Variants in MCTP1 observed in about 807,000 individuals in gnomAD.
The protein encoded by MCTP1 is multiple C2 and transmembrane domain containing 1.
MCTP1 carries 69 observed loss-of-function variants against 120.6 expected under a neutral mutation model. The observed-to-expected ratio is 0.57, with a 90% CI of 0.47 to 0.70. MCTP1 has a LOEUF of 0.70. MCTP1 is among the 30% of genes least tolerant of loss of function. The pLI is 0.00. For synonymous variants in MCTP1, 529 were observed against 493.1 expected (o/e 1.07, Z -0.96); for missense variants, 1,203 against 1,248.8 (o/e 0.96, Z 0.55).
chr5:95,120,945 C>A (rs192287629), intron 1 of MCTP1, among the ~76,000 whole-genome samples: 2 of 152,180 alleles, frequency 1.3e-5, no homozygotes, highest in East Asian at 3.9e-4. Context: ...CTAAAGACTT[C>A]CCCCCAAAAC....
At chr5:94,755,405 C>T (rs1769541549) in intron 19 of MCTP1, among the ~76,000 whole-genome samples, 1 of 152,086 alleles carries the variant, frequency 6.6e-6, no homozygotes, top group East Asian at 1.9e-4. Flanking sequence ...CCTTAATTCC[C>T]ACTTTCCTCT....
intron 1 of MCTP1, among the ~76,000 whole-genome samples, chr5:95,205,469 A>G (rs780192010): frequency 3.3e-5 from 5 of 152,192 alleles, no homozygotes; most frequent in Non-Finnish European, 5.9e-5. Flanking sequence ...CACAGCAAGA[A>G]AAGAAAAAAT....
At chr5:94,926,364 T>C (rs1225567811) in intron 6 of MCTP1, among the ~76,000 whole-genome samples, 1 of 151,836 alleles carries the variant, frequency 6.6e-6, no homozygotes, top group Non-Finnish European at 1.5e-5. Flanking sequence ...CAATACAATT[T>C]TGGCCACTTA....
At chr5:95,170,633 C>G (rs1247960127) in intron 1 of MCTP1, among the ~76,000 whole-genome samples, 4 of 152,158 alleles carry the variant, frequency 2.6e-5, no homozygotes, top group African/African-American at 4.8e-5. Context: ...GTTAGCTCTT[C>G]TTGTTGAATT....
At chr5:95,066,895 A>T (rs970174041) in intron 1 of MCTP1, among the ~76,000 whole-genome samples, 12 of 152,300 alleles carry the variant, frequency 7.9e-5, no homozygotes, top group African/African-American at 2.9e-4. Context: ...CTCGTAAATA[A>T]TGTGCGATCT....
At chr5:94,875,750 T>C (rs1297753928) in intron 12 of MCTP1, among the ~76,000 whole-genome samples, 1 of 136,874 alleles carries the variant, frequency 7.3e-6, no homozygotes, top group African/African-American at 2.8e-5. Context: ...AAGTCAGTTC[T>C]TTTTTTTTTT....
At chr5:95,240,647 A>G (rs1756058188) in intron 1 of MCTP1, among the ~76,000 whole-genome samples, 1 of 152,222 alleles carries the variant, frequency 6.6e-6, no homozygotes, top group Non-Finnish European at 1.5e-5. Flanking sequence ...TTTTAAAAAT[A>G]TTCAGCAAAC....
Position 94,872,993 on chromosome 5 carries a change from AATTC to A in MCTP1, c.2036+142_2036+145del, listed in dbSNP as rs1164837569. On this transcript the variant is annotated intron_variant, in intron 13 of 22. Coordinates refer to ENST00000515393, the MANE Select transcript of MCTP1 (RefSeq NM_024717.7). ...TTCACTTTCAGGAAGGTAGGAGGAA[AATTC>A]ATTGTTGTTAGCAAAGGCAGGCCAG... 6.5e-6 allele frequency: 4 copies of A among 613,368 alleles called. No homozygotes were observed. The African/African-American group carries it at 7.7e-5, about 12-fold the overall frequency. The allele number at this position is 613,368 out of a possible 1,614,324, so 38.0% of individuals were successfully genotyped here. A position where few individuals can be genotyped will look rare whatever the true frequency, so the allele number is the denominator to read the frequency against.
intron 1 of MCTP1, among the ~76,000 whole-genome samples, chr5:95,149,235 A>G (rs1760678717): frequency 6.6e-6 from 1 of 152,092 alleles, no homozygotes; most frequent in South Asian, 2.1e-4. Context: ...GATAGGCCAT[A>G]CCCTTCCCAG....
intron 1 of MCTP1, among the ~76,000 whole-genome samples, chr5:95,118,431 G>GA (rs1340809239): frequency 6.6e-6 from 1 of 151,640 alleles, no homozygotes; most frequent in Non-Finnish European, 1.5e-5. Context: ...CAAATGACCA[G>GA]AAAAAAATCA....
chr5:94,946,495 T>TA (rs1219176379), intron 3 of MCTP1, among the ~76,000 whole-genome samples: 1 of 152,106 alleles, frequency 6.6e-6, no homozygotes, highest in East Asian at 1.9e-4. Context: ...TAAAAAGAGA[T>TA]ACACATTTGG....
At chr5:95,069,663 G>C (rs2152215047) in intron 1 of MCTP1, among the ~76,000 whole-genome samples, 1 of 151,860 alleles carries the variant, frequency 6.6e-6, no homozygotes, top group South Asian at 2.1e-4. Flanking sequence ...TGTCAAGTTG[G>C]GGTGCTTCAG....
At chr5:94,983,661 G>GTCAATCTTTCTATCTA (rs1357815406) in intron 2 of MCTP1, among the ~76,000 whole-genome samples, 3 of 16,026 alleles carry the variant, frequency 1.9e-4, no homozygotes, top group African/African-American at 3.7e-4. Flanking sequence ...CTGTCTGTCT[G>GTCAATCTTTCTATCTA]TCTGTCAATC....
chr5:94,848,985 ATAATT>A (rs1289431593), intron 17 of MCTP1, among the ~76,000 whole-genome samples: 2 of 151,998 alleles, frequency 1.3e-5, no homozygotes, highest in Admixed American at 1.3e-4. Flanking sequence ...TCTTATTAGT[ATAATT>A]TAATATAAAA....
chr5:94,848,007 T>C (rs1308805583), intron 17 of MCTP1, among the ~76,000 whole-genome samples: 1 of 152,032 alleles, frequency 6.6e-6, no homozygotes, highest in African/African-American at 2.4e-5. Flanking sequence ...GGTATCCTCC[T>C]AAGCCTTGGT....
intron 6 of MCTP1, among the ~76,000 whole-genome samples, chr5:94,930,267 A>ATTTTTTTTTTTTTTTTTTTTTTTTTT (rs869306266): frequency 2.0e-5 from 2 of 100,928 alleles, no homozygotes; most frequent in Non-Finnish European, 3.8e-5. Flanking sequence ...TTAAAGAAGA[A>ATTTTTTTTTTTTTTTTTTTTTTTTTT]TTTTTTTTTT....
At chr5:94,858,006 T>C (rs774238716) in intron 17 of MCTP1, among the ~76,000 whole-genome samples, 1 of 151,700 alleles carries the variant, frequency 6.6e-6, no homozygotes, top group Non-Finnish European at 1.5e-5. Flanking sequence ...CACCAGTTTT[T>C]CTAAGTAATT....
intron 17 of MCTP1, among the ~76,000 whole-genome samples, chr5:94,865,611 T>C (rs888851319): frequency 6.6e-6 from 1 of 151,900 alleles, no homozygotes; most frequent in African/African-American, 2.4e-5. Flanking sequence ...GGCTAAAATG[T>C]CTCTAGTTAT....
chr5:94,732,810 C>T (rs114702326), intron 19 of MCTP1, among the ~76,000 whole-genome samples: 2,848 of 152,228 alleles, frequency 0.019, 43 homozygotes, highest in South Asian at 0.042. Context: ...GCCAGAGTCT[C>T]GATCTTGGAC....
Sources: allele counts gnomAD v4.1 joint callset (sites outside exome capture counted in the v4.1 genomes callset), GRCh38; gene constraint gnomAD v4.1.1; transcripts MANE v1.5; gene names NCBI Gene and HGNC (gene_info 2026-07-23, HGNC 2026-07-21).